RARB: variants seen among roughly 807,000 people sequenced by gnomAD.
The protein encoded by RARB is retinoic acid receptor beta.
A neutral mutation model predicts 51.9 loss-of-function variants in RARB; 17 were observed. The observed-to-expected ratio is 0.33, with a 90% CI of 0.22 to 0.49. RARB has a LOEUF of 0.49. RARB is among the 20% of genes least tolerant of loss of function. The probability of loss-of-function intolerance (pLI) is 0.99; values close to 1 mark genes in which losing one functional copy is unlikely to be tolerated. For synonymous variants in RARB, 215 were observed against 195.4 expected, an observed-to-expected ratio of 1.10 and a Z score of -0.84; for missense variants, 369 against 550.8, an observed-to-expected ratio of 0.67 and a Z score of 3.30.
chr3:25,244,480 T>G (rs1702508671), intron 5 of RARB, among the ~76,000 whole-genome samples: 1 of 152,212 alleles, frequency 6.6e-6, no homozygotes, highest in African/African-American at 2.4e-5. Context: ...AACACTGCTT[T>G]AGCTGTGTCT....
chr3:25,403,926 C>T (rs1707334924), intron 5 of RARB, among the ~76,000 whole-genome samples: 2 of 109,892 alleles, frequency 1.8e-5, no homozygotes, highest in Admixed American at 9.5e-5. Context: ...TTTTTTTTTC[C>T]AGAAGCTTAT....
At chr3:25,149,708 G>A (rs914997312) in intron 4 of RARB, among the ~76,000 whole-genome samples, 5 of 152,062 alleles carry the variant, frequency 3.3e-5, no homozygotes, top group African/African-American at 7.2e-5. Context: ...CATGTATAAC[G>A]TACCCTGTCT....
chr3:25,341,989 C>T (rs377105562), intron 5 of RARB, among the ~76,000 whole-genome samples: 5 of 152,124 alleles, frequency 3.3e-5, no homozygotes, highest in Non-Finnish European at 5.9e-5. Context: ...AACAACACTT[C>T]GTAGAAGAAG....
chr3:25,260,220 A>C (rs1174111672), intron 5 of RARB, among the ~76,000 whole-genome samples: 4 of 152,148 alleles, frequency 2.6e-5, no homozygotes, highest in Admixed American at 2.0e-4. Flanking sequence ...CAGTGAGTGC[A>C]AGAACACCAG....
In RARB at chr3:25,527,180, C is replaced by T. The variant is rs192630828; in HGVS notation, c.448+25857C>T. Among the ~76,000 whole-genome samples, 479 of 152,300 alleles carry T rather than the reference C, an allele frequency of 3.1e-3. 3 individuals are homozygous for T. The highest frequency in any genetic ancestry group is 4.3e-3 in the Non-Finnish European group (293 of 68,030). The stretch of plus-strand genomic sequence containing the variant: ...TCTGGATTCCAACAGTCTCCTACAT[C>T]GTGCTGATCCTTCTGGTCCTCAGGT... On this transcript the variant is annotated intron_variant, in intron 3 of 7. Coordinates refer to ENST00000330688, the MANE Select transcript of RARB (RefSeq NM_000965.5).
intron 5 of RARB, among the ~76,000 whole-genome samples, chr3:25,337,514 A>G (rs889238822): frequency 1.3e-5 from 2 of 152,158 alleles, no homozygotes; most frequent in East Asian, 1.9e-4. Flanking sequence ...AGGACAGTCA[A>G]CTTCTTAATG....
chr3:25,596,379 C>G (rs1043444950), intron 7 of RARB, 41 bp from the exon 8 acceptor site: 7 of 1,509,038 alleles, frequency 4.6e-6, no homozygotes, highest in Non-Finnish European at 6.4e-6. Flanking sequence ...CATAGCTTAA[C>G]TCCTTATCTT....
intron 2 of RARB, among the ~76,000 whole-genome samples, chr3:24,893,920 A>G (rs923579483): frequency 6.6e-6 from 1 of 152,144 alleles, no homozygotes; most frequent in Non-Finnish European, 1.5e-5. Flanking sequence ...GTGACTACAA[A>G]AGCTCAAAAC....
intron 5 of RARB, among the ~76,000 whole-genome samples, chr3:25,206,757 A>T (rs190300122): frequency 6.6e-6 from 1 of 152,312 alleles, no homozygotes; most frequent in African/African-American, 2.4e-5. Context: ...CTAGCGTACT[A>T]TGGATGCTTA....
chr3:25,183,611 T>A (rs771973359), intron 5 of RARB, among the ~76,000 whole-genome samples: 1 of 152,166 alleles, frequency 6.6e-6, no homozygotes, highest in Non-Finnish European at 1.5e-5. Flanking sequence ...GTGGCAGTGA[T>A]CTTATTATAA....
intron 5 of RARB, among the ~76,000 whole-genome samples, chr3:25,357,100 A>G (rs1450393087): frequency 6.6e-6 from 1 of 152,198 alleles, no homozygotes; most frequent in Non-Finnish European, 1.5e-5. Flanking sequence ...ACTGTTTCCC[A>G]CAATGGTTGA....
intron 3 of RARB, among the ~76,000 whole-genome samples, chr3:25,508,328 A>G (rs1219974054): frequency 6.6e-6 from 1 of 152,198 alleles, no homozygotes; most frequent in African/African-American, 2.4e-5. Context: ...TGTGCTTTGT[A>G]TGGACACTTA....
At chr3:25,507,566 A>G (rs1330644943) in intron 3 of RARB, among the ~76,000 whole-genome samples, 1 of 152,136 alleles carries the variant, frequency 6.6e-6, no homozygotes, top group Non-Finnish European at 1.5e-5. Flanking sequence ...AAGACATTAG[A>G]TCTTCTAGGG....
chr3:25,032,420 A>G (rs1004120198), intron 2 of RARB, among the ~76,000 whole-genome samples: 3 of 152,228 alleles, frequency 2.0e-5, no homozygotes, highest in African/African-American at 4.8e-5. Context: ...AGTGCTACAT[A>G]AATGCTAAGT....
At chr3:25,202,344 C>G (rs1354142564) in intron 5 of RARB, among the ~76,000 whole-genome samples, 3 of 151,726 alleles carry the variant, frequency 2.0e-5, no homozygotes, top group African/African-American at 7.2e-5. Context: ...TATTAGTCTT[C>G]TTAGTGGTCT....
chr3:24,992,044 C>T (rs1343264944), intron 2 of RARB, among the ~76,000 whole-genome samples: 1 of 152,130 alleles, frequency 6.6e-6, no homozygotes. Flanking sequence ...AGGGCACTCC[C>T]CACGTGGGCC....
At chr3:25,541,471 G>A (rs1559458665) in intron 3 of RARB, among the ~76,000 whole-genome samples, 1 of 152,104 alleles carries the variant, frequency 6.6e-6, no homozygotes, top group African/African-American at 2.4e-5. Flanking sequence ...ACAGTCCCTG[G>A]CATGTACGTT....
At chr3:25,068,469 T>C (rs1698707801) in intron 3 of RARB, among the ~76,000 whole-genome samples, 1 of 151,520 alleles carries the variant, frequency 6.6e-6, no homozygotes, top group Non-Finnish European at 1.5e-5. Flanking sequence ...AAAAGGGGGG[T>C]AATATTGAGG....
intron 5 of RARB, among the ~76,000 whole-genome samples, chr3:25,213,399 G>T (rs1015958087): frequency 2.0e-5 from 3 of 151,716 alleles, no homozygotes; most frequent in African/African-American, 7.3e-5. Flanking sequence ...AGCTATGGTC[G>T]GTTCTTTTTC....
Sources: gnomAD v4.1 joint callset for allele counts (sites outside exome capture counted in the v4.1 genomes callset) on GRCh38, gnomAD v4.1.1 for gene constraint, MANE v1.5 for transcripts, NCBI Gene and HGNC (gene_info 2026-07-23, HGNC 2026-07-21) for gene names.